GOLGA6D: variants seen among roughly 807,000 people sequenced by gnomAD.
GOLGA6D encodes the protein golgin subfamily A member 6D.
GOLGA6D carries 9 observed loss-of-function variants against 42.1 expected under a neutral mutation model. The ratio of observed to expected loss-of-function variants is 0.21; its 90% CI spans 0.13 to 0.37. The LOEUF (loss-of-function observed/expected upper bound fraction) is 0.37, where lower values mean the gene tolerates loss of function less well. Among genes scored for constraint, GOLGA6D ranks in the 10% least tolerant of loss-of-function variants. The probability of loss-of-function intolerance (pLI) is 1.00; values close to 1 mark genes in which losing one functional copy is unlikely to be tolerated. For missense variants in GOLGA6D, 87 were observed against 420.8 expected (o/e 0.21, Z 6.94); for synonymous variants, 39 against 167.3 (o/e 0.23, Z 5.92).
In GOLGA6D at chr15:75,294,464, C is replaced by T. The variant is rs1365551502; in HGVS notation, c.2071C>T (p.Gln691Ter). Residue 691 changes from glutamine to a stop codon, truncating the protein, a stop_gained, in exon 18 of 18, where the codon CAG (glutamine) becomes TAG (stop). Coordinates refer to ENST00000434739, the MANE Select transcript of GOLGA6D (RefSeq NM_001145224.3). LOFTEE classifies it high-confidence loss of function. ...QQIVQLSPVM[Q>*]DT ...GATCGTGCAGCTGTCTCCTGTCATG[C>T]AGGACACCTAGGAGCACCCAGGCTT... The T allele has an allele frequency of 5.0e-6, 8 of 1,594,998 alleles. No individual in the cohort carries two copies. Among genetic ancestry groups the T allele is most frequent in the East Asian group, 2.2e-5 (1 of 44,672 alleles).
In GOLGA6D at chr15:75,289,417, G is replaced by A. The variant is rs564510283; in HGVS notation, c.585G>A (p.Ala195=). 217 of 1,537,054 alleles carry A rather than the reference G, an allele frequency of 1.4e-4. 26 individuals are homozygous for A. Among genetic ancestry groups the A allele is most frequent in the South Asian group, 1.0e-3 (90 of 88,236 alleles). Reference sequence around the variant, plus strand: ...TCCAGTCCTCGAGCTGCAGAGAAGCGGTCCTCCAGCGGCGGTTACAGCAGA... The same window carrying A: ...TCCAGTCCTCGAGCTGCAGAGAAGCAGTCCTCCAGCGGCGGTTACAGCAGA... ...EEDRSSSCRE[A]VLQRRLQQTI... The change falls in exon 8 of 18, where the codon GCG becomes GCA. Residue 195 remains alanine (A), a synonymous_variant. Coordinates refer to ENST00000434739, the MANE Select transcript of GOLGA6D (RefSeq NM_001145224.3).
chr15:75,294,439 G>A lies in GOLGA6D; in HGVS notation c.2046G>A (p.Gln682=), dbSNP rs1218216809. 6.3e-7 allele frequency: 1 copy of A among 1,597,770 alleles called. No homozygotes were observed. The highest frequency in any genetic ancestry group is 2.2e-5 in the East Asian group (1 of 44,740). Residue 682 remains glutamine (Q), a synonymous_variant, in exon 18 of 18, where the codon CAG becomes CAA. Transcript: ENST00000434739. ...GSPHNNPTVQ[Q]IVQLSPVMQD... is the part of the protein sequence containing the mutation. ...CCCATAACAACCCCACTGTACAGCA[G>A]ATCGTGCAGCTGTCTCCTGTCATGC... is the stretch of plus-strand genomic sequence containing the variant.
In GOLGA6D at chr15:75,293,763, ACGGGAC is replaced by A; in HGVS notation, c.1629_1634del (p.Asp543_Thr545delinsGlu). 6.3e-7 allele frequency: 1 copy of A among 1,591,428 alleles called. No homozygotes were observed. Among genetic ancestry groups the A allele is most frequent in the Non-Finnish European group, 8.6e-7 (1 of 1,168,328 alleles). On this transcript the variant is annotated inframe_deletion, in exon 15 of 18. Transcript: ENST00000434739. Reference sequence around the variant, plus strand: ...ATGGACCTCCCGAAGGAGAAGGCGGACGGGACGGAGCAGGTGGAGAGACGAGAGCTT... The same window carrying A: ...ATGGACCTCCCGAAGGAGAAGGCGGAGGAGCAGGTGGAGAGACGAGAGCTT...
intron 14 of GOLGA6D, 107 bp from the exon 15 acceptor site, chr15:75,293,622 G>A (rs2070885386): frequency 1.4e-6 from 1 of 727,922 alleles, no homozygotes; most frequent in African/African-American, 2.0e-5. Flanking sequence ...CCCTGAAGGA[G>A]GCCATGGTGA....
rs1417419584 is a variant in GOLGA6D, at chr15:75,288,724, TG to T, written c.564+361del. ...TTTCTGTAGAGAGAGGAAAGGGGTGTGTGTGTGTGTGTGTGTGTGTGTGTGT... is the reference window on the plus strand; with the variant it reads ...TTTCTGTAGAGAGAGGAAAGGGGTGTTGTGTGTGTGTGTGTGTGTGTGTGT... On this transcript the variant is annotated intron_variant, in intron 7 of 17. Coordinates refer to ENST00000434739, the MANE Select transcript of GOLGA6D (RefSeq NM_001145224.3). Among the ~76,000 whole-genome samples, 5 of 90,644 alleles carry T rather than the reference TG, an allele frequency of 5.5e-5. No homozygotes were observed. In the East Asian group the frequency reaches 1.1e-3, roughly 20 times the overall value. The allele number at this position is 90,644 out of a possible 152,430, so 59.5% of individuals were successfully genotyped here. A position where few individuals can be genotyped will look rare whatever the true frequency, so the allele number is the denominator to read the frequency against.
Position 75,294,548 on chromosome 15 carries a change from A to G in GOLGA6D, c.*73A>G, listed in dbSNP as rs539691924. On this transcript the variant is annotated 3_prime_UTR_variant, in exon 18 of 18. Coordinates refer to ENST00000434739, the MANE Select transcript of GOLGA6D (RefSeq NM_001145224.3). ...GGCAGCCGAGAACAGGGAGATAAACATCATCATCTTCTAAGAGCTGGTCAA... is the reference window on the plus strand; with the variant it reads ...GGCAGCCGAGAACAGGGAGATAAACGTCATCATCTTCTAAGAGCTGGTCAA... The G allele has an allele frequency of 7.7e-7, 1 of 1,295,414 alleles. No individual in the cohort carries two copies. Among genetic ancestry groups the G allele is most frequent in the Non-Finnish European group, 1.1e-6 (1 of 945,380 alleles). The allele number at this position is 1,295,414 out of a possible 1,614,324, so 80.2% of individuals were successfully genotyped here. A position where few individuals can be genotyped will look rare whatever the true frequency, so the allele number is the denominator to read the frequency against.
Position 75,294,347 on chromosome 15 carries a change from G to T in GOLGA6D, c.1955-1G>T, listed in dbSNP as rs1182046936. 4.4e-6 allele frequency: 7 copies of T among 1,594,714 alleles called. 1 individual carries two copies. Among genetic ancestry groups the T allele is most frequent in the Middle Eastern group, 4.3e-4 (2 of 4,640 alleles). On this transcript the variant is annotated splice_acceptor_variant, in intron 17 of 17. Coordinates refer to ENST00000434739, the MANE Select transcript of GOLGA6D (RefSeq NM_001145224.3). LOFTEE classifies it high-confidence loss of function. ...AGACCCCCGCCTCCCTCTCTCCGAA[G>T]TTTTTTATGAAGTGAGCCTGGACAA...
chr15:75,294,377 G>A lies in GOLGA6D; in HGVS notation c.1984G>A (p.Val662Met), dbSNP rs768819783. The stretch of plus-strand genomic sequence containing the variant: ...TTATGAAGTGAGCCTGGACAACAAC[G>A]TGGAGCCTGCACCAGGAGTGGCCAG... ...VFYEVSLDNN[V>M]EPAPGVAREG... Residue 662 changes from valine to methionine, a missense_variant, in exon 18 of 18, where the codon GTG becomes ATG. Physicochemically the swap from Val to Met is conservative, Grantham distance 21 (BLOSUM62 1). Coordinates refer to ENST00000434739, the MANE Select transcript of GOLGA6D (RefSeq NM_001145224.3). The A allele has an allele frequency of 6.9e-6, 11 of 1,597,990 alleles. 2 individuals are homozygous for A. The highest frequency in any genetic ancestry group is 3.0e-5 in the African/African-American group (2 of 65,852).
At chr15:75,278,680 G>A (rs1299054665), upstream of GOLGA6D, among the ~76,000 whole-genome samples, 2 of 151,770 alleles carry the variant, frequency 1.3e-5, no homozygotes, top group African/African-American at 4.9e-5. Flanking sequence ...GCCTAACAAA[G>A]GCAGCAGGAT....
chr15:75,276,144 C>T, the GOLGA6D span, among the ~76,000 whole-genome samples: 1 of 151,620 alleles, frequency 6.6e-6, no homozygotes, highest in Non-Finnish European at 1.5e-5. Context: ...GGAGGTGTGT[C>T]TTGAATGCCC....
rs767962557 is a variant in GOLGA6D at position 75,294,394 on chromosome 15, A to C, written c.2001A>C (p.Gly667=). ...ACAACAACGTGGAGCCTGCACCAGG[A>C]GTGGCCAGGGAGGGTTCTCCCCATA... The part of the protein sequence containing the change: ...SLDNNVEPAP[G]VAREGSPHNN... Residue 667 remains glycine, a synonymous_variant, in exon 18 of 18, where the codon GGA becomes GGC. Transcript: ENST00000434739. 1.3e-6 allele frequency: 2 copies of C among 1,598,730 alleles called. No individual in the cohort carries two copies. The highest frequency in any genetic ancestry group is 3.0e-5 in the African/African-American group (2 of 66,170).
upstream of GOLGA6D, among the ~76,000 whole-genome samples, chr15:75,277,835 C>T (rs1357051422): frequency 6.6e-6 from 1 of 151,676 alleles, no homozygotes; most frequent in African/African-American, 2.4e-5. Context: ...TTGGGGTTTT[C>T]TGGGTGAAAC....
At position 75,289,360 on chromosome 15, in the gene GOLGA6D, C is replaced by A. The variant is rs777922832; in HGVS notation, c.565-37C>A. On this transcript the variant is annotated intron_variant, in intron 7 of 17. Transcript: ENST00000434739. ...GCCCTTTTAAGGGGCACTGCCCGAGCTCCCCAGATCAAAACTTCTCACTCT... is the reference window on the plus strand; with the variant it reads ...GCCCTTTTAAGGGGCACTGCCCGAGATCCCCAGATCAAAACTTCTCACTCT... 6.5e-6 allele frequency: 10 copies of A among 1,546,134 alleles called. No homozygotes were observed. The Admixed American group carries it at 1.1e-4, about 17-fold the overall frequency.
At chr15:75,277,921 G>A (rs1451771839), upstream of GOLGA6D, among the ~76,000 whole-genome samples, 1 of 142,810 alleles carries the variant, frequency 7.0e-6, no homozygotes, top group Non-Finnish European at 1.5e-5. Flanking sequence ...GATGCTTAGA[G>A]TAAATCATTG....
Position 75,288,654 on chromosome 15 carries a change from A to C in GOLGA6D, c.564+290A>C, listed in dbSNP as rs1487405852. On this transcript the variant is annotated intron_variant, in intron 7 of 17. Transcript: ENST00000434739. ...CCAAGTCCTAGGTGGGGTATTGGGTAGTTGTTCTGTGAAGGTACAGAAGAG... is the reference window on the plus strand; with the variant it reads ...CCAAGTCCTAGGTGGGGTATTGGGTCGTTGTTCTGTGAAGGTACAGAAGAG... Among the ~76,000 whole-genome samples the C allele has an allele frequency of 1.5e-5, 2 of 133,760 alleles. 1 individual carries two copies. Among genetic ancestry groups the C allele is most frequent in the African/African-American group, 6.0e-5 (2 of 33,058 alleles). 87.8% of individuals were successfully genotyped at this position (133,760 alleles called of 152,430 possible). A position where few individuals can be genotyped will look rare whatever the true frequency, so the allele number is the denominator to read the frequency against.
In GOLGA6D at chr15:75,289,382, C is replaced by G. The variant is rs1388600274; in HGVS notation, c.565-15C>G. ...GAGCTCCCCAGATCAAAACTTCTCA[C>G]TCTTCACCATCCAGTCCTCGAGCTG... On this transcript the variant is annotated splice_polypyrimidine_tract_variant and intron_variant, in intron 7 of 17. Transcript: ENST00000434739. The G allele has an allele frequency of 6.5e-7, 1 of 1,549,542 alleles. No individual in the cohort carries two copies. The highest frequency in any genetic ancestry group is 8.7e-7 in the Non-Finnish European group (1 of 1,144,798).
chr15:75,278,815 A>G (rs2070837182), upstream of GOLGA6D, among the ~76,000 whole-genome samples: 1 of 151,748 alleles, frequency 6.6e-6, no homozygotes, highest in South Asian at 2.1e-4. Context: ...TTGTCCACTC[A>G]GACACATGCT....
In GOLGA6D at chr15:75,294,411, C is replaced by T. The variant is rs1467812074; in HGVS notation, c.2018C>T (p.Ser673Phe). Residue 673 changes from serine to phenylalanine, a missense_variant, in exon 18 of 18, where the codon TCT (serine) becomes TTT (phenylalanine). Coordinates refer to ENST00000434739, the MANE Select transcript of GOLGA6D (RefSeq NM_001145224.3). ...EPAPGVAREG[S>F]PHNNPTVQQI... ...GCACCAGGAGTGGCCAGGGAGGGTT[C>T]TCCCCATAACAACCCCACTGTACAG... 6 of 1,598,406 alleles carry T rather than the reference C, an allele frequency of 3.8e-6. 1 individual carries two copies. In the Admixed American group the frequency reaches 5.1e-5, roughly 14 times the overall value.
Position 75,294,685 on chromosome 15 carries a change from C to A in GOLGA6D, c.*210C>A. ...CACTTTTATTTGTGTTTCTAATTTA[C>A]CGTTTAAATTTATTTGTAAAAAGTT... On this transcript the variant is annotated 3_prime_UTR_variant, in exon 18 of 18. Transcript: ENST00000434739. 2 of 803,644 alleles carry A rather than the reference C, an allele frequency of 2.5e-6. No homozygotes were observed. Among genetic ancestry groups the A allele is most frequent in the Non-Finnish European group, 3.6e-6 (2 of 560,818 alleles). 49.8% of individuals were successfully genotyped at this position (803,644 alleles called of 1,614,324 possible).
Sources: gnomAD v4.1 joint callset for allele counts (sites outside exome capture counted in the v4.1 genomes callset) on GRCh38, gnomAD v4.1.1 for gene constraint, MANE v1.5 for transcripts, NCBI Gene and HGNC (gene_info 2026-07-23, HGNC 2026-07-21) for gene names.